ARHGAP42: variants seen among roughly 807,000 people sequenced by gnomAD.
ARHGAP42 encodes the protein Rho GTPase activating protein 42, also known as rho GTPase-activating protein 42.
Under a neutral mutation model 125.0 loss-of-function variants are expected in ARHGAP42, and 63 were observed. That is an observed-to-expected ratio of 0.50 (90% CI 0.41 to 0.62). The LOEUF is 0.62. ARHGAP42 is among the 20% of genes least tolerant of loss of function. The pLI is 0.00. For missense variants in ARHGAP42, 766 were observed against 1,024.2 expected (o/e 0.75, Z 3.44); for synonymous variants, 339 against 351.0 (o/e 0.97, Z 0.38).
At chr11:100,793,854 T>C (rs576311375) in intron 2 of ARHGAP42, among the ~76,000 whole-genome samples, 22 of 152,104 alleles carry the variant, frequency 1.4e-4, no homozygotes, top group Admixed American at 2.0e-4. Context: ...GGAGGATCAC[T>C]TGAGTCCAAG....
intron 3 of ARHGAP42, among the ~76,000 whole-genome samples, chr11:100,796,049 C>T (rs895477894): frequency 1.3e-5 from 2 of 151,946 alleles, no homozygotes; most frequent in Non-Finnish European, 2.9e-5. Context: ...TTTTGTTTTT[C>T]GTTTGTTTTG....
chr11:100,973,321 A>C lies in ARHGAP42; in HGVS notation c.1697A>C (p.Glu566Ala). ...FQNIVVEILIEHYEKIFHTAP... is the reference protein window; with the variant it reads ...FQNIVVEILIAHYEKIFHTAP... ...AATATTGTGGTAGAAATTCTGATAGAGCACTATGAAAAGGTAGGCGGAATT... is the reference window on the plus strand; with the variant it reads ...AATATTGTGGTAGAAATTCTGATAGCGCACTATGAAAAGGTAGGCGGAATT... The change falls in exon 18 of 24, where the codon GAG (glutamate) becomes GCG (alanine). Residue 566 changes from glutamate (E) to alanine (A), a missense_variant. Coordinates refer to ENST00000298815, the MANE Select transcript of ARHGAP42 (RefSeq NM_152432.4). 6.5e-7 allele frequency: 1 copy of C among 1,549,834 alleles called. No individual in the cohort carries two copies. The highest frequency in any genetic ancestry group is 1.4e-5 in the African/African-American group (1 of 73,084).
At chr11:100,846,358 G>A (rs1002846880) in intron 3 of ARHGAP42, among the ~76,000 whole-genome samples, 1 of 152,102 alleles carries the variant, frequency 6.6e-6, no homozygotes. Flanking sequence ...ATAGAGCATT[G>A]TTTGAGACTG....
chr11:100,896,142 T>G (rs1349524627), intron 4 of ARHGAP42, among the ~76,000 whole-genome samples: 1 of 152,194 alleles, frequency 6.6e-6, no homozygotes, highest in African/African-American at 2.4e-5. Context: ...GGTTTCCAGC[T>G]TCATCCATGT....
intron 22 of ARHGAP42, among the ~76,000 whole-genome samples, chr11:100,984,277 G>A (rs1858618893): frequency 1.3e-5 from 2 of 151,852 alleles, no homozygotes; most frequent in African/African-American, 4.8e-5. Context: ...CATTACATGA[G>A]TTCTTCAATA....
chr11:100,724,096 CT>C (rs1861813383), intron 1 of ARHGAP42, among the ~76,000 whole-genome samples: 1 of 152,098 alleles, frequency 6.6e-6, no homozygotes, highest in Non-Finnish European at 1.5e-5. Context: ...GATTTTTCTT[CT>C]TTAGCTTGTT....
chr11:100,875,876 A>G (rs531416607), intron 4 of ARHGAP42, among the ~76,000 whole-genome samples: 4 of 152,240 alleles, frequency 2.6e-5, no homozygotes, highest in South Asian at 4.1e-4. Flanking sequence ...TTCAGTGTCC[A>G]TAAATAAAGT....
At chr11:100,833,952 T>G (rs1864721405) in intron 3 of ARHGAP42, among the ~76,000 whole-genome samples, 1 of 152,196 alleles carries the variant, frequency 6.6e-6, no homozygotes. Context: ...TGTGATAGTT[T>G]CTTGCATATG....
intron 14 of ARHGAP42, 147 bp from the exon 15 acceptor site, chr11:100,961,537 A>G (rs1157569576): frequency 9.7e-6 from 6 of 619,882 alleles, no homozygotes; most frequent in Non-Finnish European, 1.7e-5. Context: ...CAATTCACGC[A>G]AACAACAGTA....
chr11:100,915,139 A>G (rs918275622), intron 5 of ARHGAP42, among the ~76,000 whole-genome samples: 1 of 152,200 alleles, frequency 6.6e-6, no homozygotes, highest in Non-Finnish European at 1.5e-5. Context: ...ATGGAAGACA[A>G]TCTGCCATTA....
At chr11:100,764,253 G>T (rs1450628242) in intron 1 of ARHGAP42, among the ~76,000 whole-genome samples, 2 of 151,684 alleles carry the variant, frequency 1.3e-5, no homozygotes, top group African/African-American at 2.4e-5. Flanking sequence ...TCAACTCTTG[G>T]CTCCAAGTGA....
At chr11:100,973,065 C>T in intron 17 of ARHGAP42, 110 bp from the exon 18 acceptor site, 2 of 979,110 alleles carry the variant, frequency 2.0e-6, no homozygotes, top group Non-Finnish European at 1.4e-6. Context: ...AGGACAATTT[C>T]CCTATAATGG....
In ARHGAP42 at chr11:100,933,264, A is replaced by T; in HGVS notation, c.702+4A>T. ...GCTGCAGTTCAACTTGCAGAATGTA[A>T]GAGTATACCTGTTCTTACTGTCTCT... On this transcript the variant is annotated splice_donor_region_variant and intron_variant, in intron 7 of 23. Coordinates refer to ENST00000298815, the MANE Select transcript of ARHGAP42 (RefSeq NM_152432.4). 2 of 1,536,200 alleles carry T rather than the reference A, an allele frequency of 1.3e-6. No homozygotes were observed. The highest frequency in any genetic ancestry group is 2.4e-5 in the South Asian group (2 of 82,696).
chr11:100,875,715 A>G (rs1400710481), intron 4 of ARHGAP42, among the ~76,000 whole-genome samples: 1 of 151,946 alleles, frequency 6.6e-6, no homozygotes, highest in Non-Finnish European at 1.5e-5. Context: ...GTGGCCCGTC[A>G]CAGGGCCTGG....
chr11:100,709,403 G>T (rs1441709875), intron 1 of ARHGAP42, among the ~76,000 whole-genome samples: 1 of 152,190 alleles, frequency 6.6e-6, no homozygotes, highest in Non-Finnish European at 1.5e-5. Flanking sequence ...TTAAGTGACA[G>T]ATGGGTAGGT....
chr11:100,909,480 A>G (rs1866850452), intron 4 of ARHGAP42, among the ~76,000 whole-genome samples: 1 of 151,614 alleles, frequency 6.6e-6, no homozygotes, highest in Non-Finnish European at 1.5e-5. Context: ...GAATAGCTGG[A>G]TTACAAATGC....
At chr11:100,699,641 G>T (rs909487498) in intron 1 of ARHGAP42, among the ~76,000 whole-genome samples, 2 of 145,660 alleles carry the variant, frequency 1.4e-5, no homozygotes, top group Non-Finnish European at 3.0e-5. Context: ...TCCTGCCTCA[G>T]CCTCCCAAGC....
rs182502385 is a variant in ARHGAP42 at position 100,885,042 on chromosome 11, T to A, written c.384+25417T>A. ...TGTGGCATATACCCAGTTGCCAGATTAGAACTGGCAACATCCAAAAATGGC... is the reference window on the plus strand; with the variant it reads ...TGTGGCATATACCCAGTTGCCAGATAAGAACTGGCAACATCCAAAAATGGC... On this transcript the variant is annotated intron_variant, in intron 4 of 23. Coordinates refer to ENST00000298815, the MANE Select transcript of ARHGAP42 (RefSeq NM_152432.4). Among the ~76,000 whole-genome samples the A allele has an allele frequency of 7.7e-4, 118 of 152,282 alleles. 4 individuals carry two copies. The highest frequency in any genetic ancestry group is 6.7e-3 in the Admixed American group (102 of 15,290).
At chr11:100,808,367 C>CT (rs1312939009) in intron 3 of ARHGAP42, among the ~76,000 whole-genome samples, 4 of 144,160 alleles carry the variant, frequency 2.8e-5, no homozygotes, top group Non-Finnish European at 6.1e-5. Flanking sequence ...TAAAATTAAA[C>CT]TTTTTTTGGG....
Sources: allele counts gnomAD v4.1 joint callset (sites outside exome capture counted in the v4.1 genomes callset), GRCh38; gene constraint gnomAD v4.1.1; transcripts MANE v1.5; gene names NCBI Gene and HGNC (gene_info 2026-07-23, HGNC 2026-07-21).